PKHD1: variants seen among roughly 807,000 people sequenced by gnomAD.
The protein encoded by PKHD1 is PKHD1 ciliary IPT domain containing fibrocystin/polyductin, also known as fibrocystin.
In PKHD1, 291 loss-of-function variants were observed where a neutral mutation model predicts 412.0. The ratio of observed to expected loss-of-function variants is 0.71; its 90% CI spans 0.64 to 0.78. The LOEUF is 0.78. PKHD1 is among the 30% of genes least tolerant of loss of function. The pLI, the probability that PKHD1 is intolerant of heterozygous loss-of-function variation, is 0.00. For synonymous variants in PKHD1, 1,777 were observed against 1,821.5 expected (o/e 0.98, Z 0.62); for missense variants, 4,825 against 4,950.7 (o/e 0.97, Z 0.76).
intron 60 of PKHD1, among the ~76,000 whole-genome samples, chr6:51,675,140 C>T (rs946707965): frequency 6.6e-6 from 1 of 152,102 alleles, no homozygotes; most frequent in African/African-American, 2.4e-5. Context: ...TCCAGAGCCA[C>T]CAAATGGGTG....
At chr6:51,891,599 G>A (rs913992660) in intron 43 of PKHD1, among the ~76,000 whole-genome samples, 1 of 151,932 alleles carries the variant, frequency 6.6e-6, no homozygotes, top group African/African-American at 2.4e-5. Context: ...ATTATTAAGG[G>A]TAACTCTCTG....
In PKHD1 at chr6:51,617,733, C is replaced by G. The variant is rs1380119200; in HGVS notation, c.*1348G>C. 1 of 152,198 alleles carries G rather than the reference C, an allele frequency of 6.6e-6. No individual in the cohort carries two copies. Among genetic ancestry groups the G allele is most frequent in the Admixed American group, 6.5e-5 (1 of 15,274 alleles). The allele number at this position is 152,198 out of a possible 1,614,324, so 9.4% of individuals were successfully genotyped here. A position where few individuals can be genotyped will look rare whatever the true frequency, so the allele number is the denominator to read the frequency against. ...GGTGAGACACACCTGCCCCTTGATG[C>G]CCTGCAGACATAACAGCTGTCTGCC... On this transcript the variant is annotated 3_prime_UTR_variant, in exon 67 of 67. Coordinates refer to ENST00000371117, the MANE Select transcript of PKHD1 (RefSeq NM_138694.4).
intron 6 of PKHD1, among the ~76,000 whole-genome samples, 186 bp downstream of exon 6, chr6:52,076,090 G>C (rs1811289281): frequency 1.3e-5 from 2 of 152,218 alleles, no homozygotes; most frequent in South Asian, 4.1e-4. Context: ...TGAAGTAATA[G>C]AGCAAAAGTG....
At chr6:51,638,821 AG>A (rs376466430) in intron 64 of PKHD1, 27 bp downstream of exon 64, 1 of 1,287,652 alleles carries the variant, frequency 7.8e-7, no homozygotes, top group Non-Finnish European at 1.1e-6. Flanking sequence ...AAAAAAACAC[AG>A]AATAAAAGCA....
chr6:51,750,878 G>C (rs1275768125), intron 57 of PKHD1, among the ~76,000 whole-genome samples: 2 of 152,122 alleles, frequency 1.3e-5, no homozygotes, highest in Non-Finnish European at 2.9e-5. Context: ...CAGGGTGCAA[G>C]TGATCCTACC....
chr6:51,728,337 C>T (rs966024321), intron 60 of PKHD1, among the ~76,000 whole-genome samples: 5 of 152,148 alleles, frequency 3.3e-5, no homozygotes, highest in African/African-American at 9.7e-5. Flanking sequence ...GTCACGCTAC[C>T]TTATACCTCT....
intron 60 of PKHD1, among the ~76,000 whole-genome samples, chr6:51,681,120 A>T (rs1305696361): frequency 6.6e-6 from 1 of 152,070 alleles, no homozygotes; most frequent in East Asian, 1.9e-4. Context: ...GCATTGCTAC[A>T]TCTAGGAAAC....
chr6:51,937,835 A>G (rs1561930023), intron 36 of PKHD1, among the ~76,000 whole-genome samples: 1 of 152,136 alleles, frequency 6.6e-6, no homozygotes. Flanking sequence ...CCTTAATGCA[A>G]TGGTCTCTGT....
chr6:51,760,484 C>T (rs544976781), intron 55 of PKHD1, among the ~76,000 whole-genome samples: 27 of 152,046 alleles, frequency 1.8e-4, no homozygotes, highest in African/African-American at 5.8e-4. Flanking sequence ...TTTGTAGAGT[C>T]GGAGATACCT....
At chr6:51,839,972 C>A in intron 50 of PKHD1, among the ~76,000 whole-genome samples, 1 of 151,954 alleles carries the variant, frequency 6.6e-6, no homozygotes, top group East Asian at 1.9e-4. Flanking sequence ...TGCCCTGGAC[C>A]CAAGCCCCAG....
chr6:51,897,124 C>G lies in PKHD1; in HGVS notation c.6996+6473G>C, dbSNP rs188941595. On this transcript the variant is annotated intron_variant, in intron 43 of 66. Transcript: ENST00000371117. ...ATCCAGGAGAACTTCCCCAATCTAG[C>G]AAGGCAGGCCAACGTTCAGATTCAG... is the stretch of plus-strand genomic sequence containing the variant. Among the ~76,000 whole-genome samples, 1,515 of 152,122 alleles carry G rather than the reference C, an allele frequency of 1.0e-2. 25 individuals are homozygous for G. The highest frequency in any genetic ancestry group is 0.034 in the African/African-American group (1,398 of 41,462).
At chr6:51,933,824 G>A (rs928649716) in intron 37 of PKHD1, among the ~76,000 whole-genome samples, 1 of 152,198 alleles carries the variant, frequency 6.6e-6, no homozygotes, top group African/African-American at 2.4e-5. Flanking sequence ...TCTTGCAAAG[G>A]GGCCGGGAAG....
intron 39 of PKHD1, 66 bp from the exon 40 acceptor site, chr6:51,909,540 A>C: frequency 8.1e-7 from 1 of 1,228,084 alleles, no homozygotes; most frequent in Non-Finnish European, 1.2e-6. Context: ...CAAATCTCCC[A>C]GTTTGAAAGG....
At chr6:51,995,181 T>C (rs1461051353) in intron 35 of PKHD1, among the ~76,000 whole-genome samples, 1 of 150,944 alleles carries the variant, frequency 6.6e-6, no homozygotes, top group African/African-American at 2.4e-5. Context: ...GCATCTGAGC[T>C]CCAAGAGAAC....
intron 60 of PKHD1, among the ~76,000 whole-genome samples, chr6:51,664,079 A>AT (rs989624041): frequency 6.6e-6 from 1 of 152,134 alleles, no homozygotes; most frequent in Non-Finnish European, 1.5e-5. Flanking sequence ...TGTAATTAAC[A>AT]TTTTTTTGGA....
At chr6:52,050,640 T>G (rs1218058625) in intron 21 of PKHD1, among the ~76,000 whole-genome samples, 2 of 152,160 alleles carry the variant, frequency 1.3e-5, no homozygotes, top group African/African-American at 4.8e-5. Flanking sequence ...TTTCCTCCTT[T>G]CCTTCCCACA....
At position 51,748,103 on chromosome 6, in the gene PKHD1, A is replaced by G; in HGVS notation, c.9513T>C (p.Thr3171=). ...AAAGACCAATAGTATTGTCTACCAG[A>G]GTAATGTTCTCTATCTCCACGCTGT... ...VENSVEIENI[T]LVDNTIGLLA... Residue 3171 remains threonine, a synonymous_variant, in exon 58 of 67, where the codon ACT becomes ACC. Transcript: ENST00000371117. 1 of 1,613,966 alleles carries G rather than the reference A, an allele frequency of 6.2e-7. No homozygotes were observed. Among genetic ancestry groups the G allele is most frequent in the Non-Finnish European group, 8.5e-7 (1 of 1,179,824 alleles).
chr6:51,653,384 G>T (rs1296966949), intron 61 of PKHD1, among the ~76,000 whole-genome samples: 2 of 152,056 alleles, frequency 1.3e-5, no homozygotes, highest in African/African-American at 4.8e-5. Flanking sequence ...TGGTCTAGTA[G>T]TTCCAAGCCT....
At chr6:51,826,168 A>G (rs1197052684) in intron 52 of PKHD1, among the ~76,000 whole-genome samples, 1 of 152,138 alleles carries the variant, frequency 6.6e-6, no homozygotes, top group African/African-American at 2.4e-5. Flanking sequence ...ATCTTTTGCA[A>G]TTTAACAAGG....
Sources: allele counts gnomAD v4.1 joint callset (sites outside exome capture counted in the v4.1 genomes callset), GRCh38; gene constraint gnomAD v4.1.1; transcripts MANE v1.5; gene names NCBI Gene and HGNC (gene_info 2026-07-23, HGNC 2026-07-21).